GABRG1: variants seen among roughly 807,000 people sequenced by gnomAD.
The protein encoded by GABRG1 is gamma-aminobutyric acid type A receptor subunit gamma1, also known as gamma-aminobutyric acid receptor subunit gamma-1.
A neutral mutation model predicts 49.8 loss-of-function variants in GABRG1; 49 were observed. The observed-to-expected ratio is 0.98, with a 90% CI of 0.78 to 1.25. GABRG1 has a LOEUF of 1.25. Ranked by LOEUF, GABRG1 falls within the 50% of genes most tolerant of loss-of-function variation. GABRG1 has a pLI of 0.00. For synonymous variants in GABRG1, 232 were observed against 185.1 expected, an observed-to-expected ratio of 1.25 and a Z score of -2.06; for missense variants, 552 against 552.3, an observed-to-expected ratio of 1.00 and a Z score of 0.01.
intron 2 of GABRG1, among the ~76,000 whole-genome samples, chr4:46,088,827 G>GTGTC (rs1329072929): frequency 5.3e-5 from 8 of 150,840 alleles, no homozygotes; most frequent in African/African-American, 1.9e-4. Flanking sequence ...GTGTGTGTGT[G>GTGTC]TGTGTGTGTG....
At chr4:46,061,605 A>G (rs1504499) in intron 5 of GABRG1, among the ~76,000 whole-genome samples, 57,316 of 151,656 alleles carry the variant, frequency 0.38, 11,080 homozygotes, top group Non-Finnish European at 0.42. Flanking sequence ...GTATGTTAGT[A>G]AATATAAAAT....
intron 8 of GABRG1, among the ~76,000 whole-genome samples, chr4:46,044,722 T>A (rs954069927): frequency 2.0e-5 from 3 of 152,028 alleles, no homozygotes; most frequent in African/African-American, 7.2e-5. Context: ...ATGGAAAACA[T>A]GGTGTTAGCT....
At chr4:46,106,635 C>G (rs192260072) in intron 1 of GABRG1, among the ~76,000 whole-genome samples, 1 of 151,360 alleles carries the variant, frequency 6.6e-6, no homozygotes, top group South Asian at 2.1e-4. Flanking sequence ...CTGAATTAAG[C>G]TCAGGATGGA....
intron 1 of GABRG1, among the ~76,000 whole-genome samples, chr4:46,117,872 GTATACATGTGTATC>G (rs1720967081): frequency 2.4e-5 from 1 of 42,048 alleles, no homozygotes; most frequent in Non-Finnish European, 3.7e-5. Flanking sequence ...ATATACATAT[GTATACATGTGTATC>G]TATATACATA....
rs1553884495 is a variant in GABRG1 at position 46,118,132 on chromosome 4, G to GTATATATATATATATATATA, written c.104+5677_104+5678insTATATATATATATATATATA. Among the ~76,000 whole-genome samples, 46 of 109,962 alleles carry GTATATATATATATATATATA rather than the reference G, an allele frequency of 4.2e-4. 4 individuals are homozygous for GTATATATATATATATATATA. The highest frequency in any genetic ancestry group is 1.8e-3 in the African/African-American group (32 of 17,894). The allele number at this position is 109,962 out of a possible 152,430, so 72.1% of individuals were successfully genotyped here. Reference sequence around the variant, plus strand: ...TATATACATATATACGTGTGTGTGTGTATATATATATATACAGCTACAGTA... The same window carrying GTATATATATATATATATATA: ...TATATACATATATACGTGTGTGTGTGTATATATATATATATATATATATATATATATATACAGCTACAGTA... On this transcript the variant is annotated intron_variant, in intron 1 of 8. Transcript: ENST00000295452.
intron 1 of GABRG1, among the ~76,000 whole-genome samples, chr4:46,112,589 G>A (rs1458606241): frequency 1.3e-5 from 2 of 151,194 alleles, no homozygotes; most frequent in East Asian, 2.0e-4. Context: ...CAACTGATAG[G>A]TGCCCATTAG....
At chr4:46,115,904 A>C (rs1426620293) in intron 1 of GABRG1, among the ~76,000 whole-genome samples, 1 of 150,820 alleles carries the variant, frequency 6.6e-6, no homozygotes. Flanking sequence ...TACATTTAAA[A>C]AATTAATTGG....
rs1015492869 is a variant in GABRG1, at chr4:46,038,948, A to G, written c.*2040T>C. 1.3e-5 allele frequency: 2 copies of G among 151,678 alleles called. No homozygotes were observed. The highest frequency in any genetic ancestry group is 3.0e-5 in the Non-Finnish European group (2 of 67,680). The allele number at this position is 151,678 out of a possible 1,614,324, so 9.4% of individuals were successfully genotyped here. On this transcript the variant is annotated 3_prime_UTR_variant, in exon 9 of 9. Coordinates refer to ENST00000295452, the MANE Select transcript of GABRG1 (RefSeq NM_173536.4). ...TACATAGAACGTGGTTCAGAAGGAA[A>G]AGCTATTTATATCAAGCACTTTTAA...
At position 46,123,871 on chromosome 4, in the gene GABRG1, G is replaced by T. The variant is rs563170566; in HGVS notation, c.43C>A (p.Arg15=). Reference sequence around the variant, plus strand: ...AACCTCACCCCTCTACTTTGACTCCGCAGAAGAAAAGGGGAGAAGAGAAAA... The same window carrying T: ...AACCTCACCCCTCTACTTTGACTCCTCAGAAGAAAAGGGGAGAAGAGAAAA... ...KAFLFSPFLL[R]SQSRGVRLVF... The change falls in exon 1 of 9, where the codon CGG becomes AGG. Residue 15 remains arginine (R), a synonymous_variant. Transcript: ENST00000295452. 78 of 1,613,616 alleles carry T rather than the reference G, an allele frequency of 4.8e-5. No homozygotes were observed. Among genetic ancestry groups the T allele is most frequent in the Non-Finnish European group, 6.4e-5 (75 of 1,179,740 alleles).
intron 3 of GABRG1, among the ~76,000 whole-genome samples, chr4:46,079,751 G>T (rs4513605): frequency 0.055 from 8,327 of 151,730 alleles, 382 homozygotes; most frequent in African/African-American, 0.12. Context: ...TTTTGACTTG[G>T]CTTTAAAGAA....
In GABRG1 at chr4:46,038,435, T is replaced by C. The variant is rs1577622278; in HGVS notation, c.*2553A>G. 1 of 151,746 alleles carries C rather than the reference T, an allele frequency of 6.6e-6. No homozygotes were observed. Among genetic ancestry groups the C allele is most frequent in the East Asian group, 1.9e-4 (1 of 5,172 alleles). 9.4% of individuals were successfully genotyped at this position (151,746 alleles called of 1,614,324 possible). ...TTGTGCTCCAGGTATCCTTCCCAATTCTTTATATCTAATTTTGGGGTCTAT... is the reference window on the plus strand; with the variant it reads ...TTGTGCTCCAGGTATCCTTCCCAATCCTTTATATCTAATTTTGGGGTCTAT... On this transcript the variant is annotated 3_prime_UTR_variant, in exon 9 of 9. Coordinates refer to ENST00000295452, the MANE Select transcript of GABRG1 (RefSeq NM_173536.4).
chr4:46,110,555 G>T (rs1351132587), intron 1 of GABRG1, among the ~76,000 whole-genome samples: 1 of 150,748 alleles, frequency 6.6e-6, no homozygotes, highest in Non-Finnish European at 1.5e-5. Context: ...AATGAAAAAA[G>T]AAAACTACAG....
At chr4:46,076,664 C>T (rs1176614518) in intron 3 of GABRG1, among the ~76,000 whole-genome samples, 1 of 151,536 alleles carries the variant, frequency 6.6e-6, no homozygotes, top group Non-Finnish European at 1.5e-5. Flanking sequence ...TCTGTCAGAA[C>T]ATTGCCCACA....
Position 46,051,524 on chromosome 4 carries a change from A to G in GABRG1, c.1031T>C (p.Val344Ala). The change falls in exon 8 of 9, where the codon GTT becomes GCT. Residue 344 changes from valine to alanine, a missense_variant. Coordinates refer to ENST00000295452, the MANE Select transcript of GABRG1 (RefSeq NM_173536.4). ...TCCATATTCCATCAAGGCTGCAAAA[A>G]CAAAAATGAAACAAACAGAAACAAA... ...DLFVSVCFIFVFAALMEYGTL... is the reference protein window; with the variant it reads ...DLFVSVCFIFAFAALMEYGTL... 1 of 1,611,826 alleles carries G rather than the reference A, an allele frequency of 6.2e-7. No individual in the cohort carries two copies.
At chr4:46,087,364 T>A (rs1441193030) in intron 2 of GABRG1, among the ~76,000 whole-genome samples, 1 of 151,688 alleles carries the variant, frequency 6.6e-6, no homozygotes, top group Non-Finnish European at 1.5e-5. Flanking sequence ...GTTTTCATTA[T>A]TGTGTCATGC....
intron 1 of GABRG1, among the ~76,000 whole-genome samples, chr4:46,114,357 G>A (rs1468354559): frequency 2.6e-5 from 4 of 150,988 alleles, no homozygotes; most frequent in Non-Finnish European, 4.5e-5. Context: ...AACATACATA[G>A]AGAGATGCTT....
intron 2 of GABRG1, among the ~76,000 whole-genome samples, chr4:46,086,645 AT>A (rs1252740711): frequency 9.9e-5 from 15 of 151,270 alleles, no homozygotes; most frequent in South Asian, 2.1e-4. Context: ...ATCACACATA[AT>A]TTTTTTTCTT....
At chr4:46,074,788 G>A (rs138534692) in intron 3 of GABRG1, among the ~76,000 whole-genome samples, 112 of 151,974 alleles carry the variant, frequency 7.4e-4, no homozygotes, top group Middle Eastern at 3.4e-3. Context: ...TTTTAATTAC[G>A]TACATAATTT....
chr4:46,113,925 A>T (rs1252336375), intron 1 of GABRG1, among the ~76,000 whole-genome samples: 1 of 151,194 alleles, frequency 6.6e-6, no homozygotes, highest in Non-Finnish European at 1.5e-5. Context: ...TTCAGGGAAA[A>T]GTTCCAGAAA....
Sources: gnomAD v4.1 joint callset for allele counts (sites outside exome capture counted in the v4.1 genomes callset) on GRCh38, gnomAD v4.1.1 for gene constraint, MANE v1.5 for transcripts, NCBI Gene and HGNC (gene_info 2026-07-23, HGNC 2026-07-21) for gene names.